GPC6: variants seen among roughly 807,000 people sequenced by gnomAD.
The protein encoded by GPC6 is glypican-6.
GPC6 carries 14 observed loss-of-function variants against 55.2 expected under a neutral mutation model. That is an observed-to-expected ratio of 0.25 (90% CI 0.17 to 0.40). The LOEUF is 0.40. GPC6 is among the 10% of genes least tolerant of loss of function. The pLI is 1.00. For synonymous variants in GPC6, 278 were observed against 259.6 expected, an observed-to-expected ratio of 1.07 and a Z score of -0.68; for missense variants, 641 against 708.5, an observed-to-expected ratio of 0.90 and a Z score of 1.08.
intron 1 of GPC6, among the ~76,000 whole-genome samples, chr13:93,544,796 A>C (rs1019657921): frequency 6.6e-6 from 1 of 152,196 alleles, no homozygotes; most frequent in Non-Finnish European, 1.5e-5. Flanking sequence ...GACTTAGAGA[A>C]AAGCTGATGC....
chr13:93,640,768 CCACT>C (rs1879890573), intron 2 of GPC6, among the ~76,000 whole-genome samples: 1 of 86,304 alleles, frequency 1.2e-5, no homozygotes, highest in African/African-American at 5.6e-5. Context: ...TCCCTCCTCC[CCACT>C]TTCCTTCCCT....
chr13:93,540,480 T>C lies in GPC6; in HGVS notation c.161-4783T>C, dbSNP rs76370761. Among the ~76,000 whole-genome samples the C allele has an allele frequency of 2.1e-3, 326 of 152,230 alleles. 7 individuals are homozygous for C. In the East Asian group the frequency reaches 0.057, roughly 27 times the overall value. On this transcript the variant is annotated intron_variant, in intron 1 of 8. Coordinates refer to ENST00000377047, the MANE Select transcript of GPC6 (RefSeq NM_005708.5). ...CATTTCCTCTTCTTTTAAAAATACA[T>C]ATATATTTATTTTTTGTCTCCTTTT...
intron 2 of GPC6, among the ~76,000 whole-genome samples, chr13:93,687,690 G>C (rs1263506565): frequency 6.6e-6 from 1 of 151,976 alleles, no homozygotes; most frequent in African/African-American, 2.4e-5. Context: ...CCCAATAAGT[G>C]CTAACATATT....
chr13:93,352,236 G>A (rs909441609), intron 1 of GPC6, among the ~76,000 whole-genome samples: 1 of 152,124 alleles, frequency 6.6e-6, no homozygotes, highest in African/African-American at 2.4e-5. Flanking sequence ...TATGGTATGC[G>A]AATTTCACTT....
intron 6 of GPC6, among the ~76,000 whole-genome samples, chr13:94,354,936 T>C (rs1157874512): frequency 1.3e-5 from 2 of 152,152 alleles, no homozygotes; most frequent in African/African-American, 4.8e-5. Flanking sequence ...GGAGATTCCA[T>C]GTTCAAATCC....
At chr13:93,745,065 C>A (rs998994790) in intron 2 of GPC6, among the ~76,000 whole-genome samples, 5 of 152,140 alleles carry the variant, frequency 3.3e-5, no homozygotes, top group Admixed American at 2.6e-4. Flanking sequence ...TCAGGTCAGT[C>A]AGTTCCCCAG....
At chr13:93,604,050 A>G (rs1261334067) in intron 2 of GPC6, among the ~76,000 whole-genome samples, 1 of 152,242 alleles carries the variant, frequency 6.6e-6, no homozygotes. Flanking sequence ...ATTTAATGCC[A>G]ATCCCTTCCA....
At chr13:94,301,097 C>T (rs1875623323) in intron 5 of GPC6, among the ~76,000 whole-genome samples, 1 of 152,190 alleles carries the variant, frequency 6.6e-6, no homozygotes, top group African/African-American at 2.4e-5. Flanking sequence ...CTGATGTCAT[C>T]CTCCCTGTCA....
intron 4 of GPC6, among the ~76,000 whole-genome samples, chr13:94,269,297 A>T (rs891676125): frequency 1.3e-5 from 2 of 152,170 alleles, no homozygotes; most frequent in African/African-American, 4.8e-5. Flanking sequence ...GCACAGCTAG[A>T]TAATGCTGTC....
At chr13:94,271,005 T>TCC (rs760392745) in intron 4 of GPC6, among the ~76,000 whole-genome samples, 2 of 87,316 alleles carry the variant, frequency 2.3e-5, no homozygotes, top group Non-Finnish European at 2.1e-5. Flanking sequence ...TTTTTTTTTT[T>TCC]CTGAGACGGA....
chr13:94,174,013 T>C (rs1289739494), intron 4 of GPC6, among the ~76,000 whole-genome samples: 1 of 152,212 alleles, frequency 6.6e-6, no homozygotes, highest in Non-Finnish European at 1.5e-5. Context: ...TATCTTCTTA[T>C]TACTTTTCAT....
intron 3 of GPC6, among the ~76,000 whole-genome samples, chr13:94,025,839 C>T (rs980253548): frequency 2.0e-5 from 3 of 151,994 alleles, no homozygotes; most frequent in African/African-American, 7.3e-5. Context: ...CACTGACTTT[C>T]TATTGTTGAT....
In GPC6 at chr13:93,826,803, G is replaced by T. The variant is rs77019108; in HGVS notation, c.320-3351G>T. On this transcript the variant is annotated intron_variant, in intron 2 of 8. Transcript: ENST00000377047. ...CCTTAGGGCACCTCTTGGCTCCTTG[G>T]GGTTGGTTTCTGCCCCTTAAGAGGT... 6.4e-3 allele frequency among the ~76,000 whole-genome samples: 978 copies of T among 152,178 alleles called. 13 individuals are homozygous for T. The highest frequency in any genetic ancestry group is 0.022 in the African/African-American group (907 of 41,508).
At chr13:94,183,518 T>G (rs1889067280) in intron 4 of GPC6, among the ~76,000 whole-genome samples, 1 of 152,220 alleles carries the variant, frequency 6.6e-6, no homozygotes, top group Admixed American at 6.5e-5. Context: ...AATGGTACTG[T>G]GAACATTGGT....
intron 2 of GPC6, among the ~76,000 whole-genome samples, chr13:93,755,308 G>A (rs1301316010): frequency 4.6e-5 from 7 of 152,140 alleles, no homozygotes; most frequent in Non-Finnish European, 1.0e-4. Context: ...GATGGCCGAT[G>A]GATTTTACAG....
At chr13:94,138,747 C>T (rs769280028) in intron 4 of GPC6, among the ~76,000 whole-genome samples, 16 of 152,064 alleles carry the variant, frequency 1.1e-4, no homozygotes, top group Admixed American at 5.9e-4. Context: ...ACTTGCACTA[C>T]GGGTAGCACA....
At chr13:93,974,357 T>A (rs1392260858) in intron 3 of GPC6, among the ~76,000 whole-genome samples, 1 of 152,184 alleles carries the variant, frequency 6.6e-6, no homozygotes, top group East Asian at 1.9e-4. Context: ...ATAATATAAC[T>A]GTTATCCAGA....
intron 1 of GPC6, among the ~76,000 whole-genome samples, chr13:93,393,284 G>A (rs1188076135): frequency 4.6e-5 from 7 of 151,290 alleles, no homozygotes; most frequent in Non-Finnish European, 8.8e-5. Flanking sequence ...AATTACACGC[G>A]CCCACCACCA....
chr13:93,742,632 C>A (rs903075558), intron 2 of GPC6, among the ~76,000 whole-genome samples: 2 of 152,158 alleles, frequency 1.3e-5, no homozygotes, highest in Admixed American at 1.3e-4. Context: ...GAGGCTGACA[C>A]CTCATGTCAT....
Sources: allele counts gnomAD v4.1 joint callset (sites outside exome capture counted in the v4.1 genomes callset), GRCh38; gene constraint gnomAD v4.1.1; transcripts MANE v1.5; gene names NCBI Gene and HGNC (gene_info 2026-07-23, HGNC 2026-07-21).